DBX2: variants seen among roughly 807,000 people sequenced by gnomAD.
DBX2 encodes the protein developing brain homeobox 2.
In DBX2, 16 loss-of-function variants were observed where a neutral mutation model predicts 17.7. That is an observed-to-expected ratio of 0.90 (90% confidence interval 0.61 to 1.37). DBX2 has a LOEUF of 1.37. DBX2 is among the 40% of genes most tolerant of loss of function. The pLI, the probability that DBX2 is intolerant of heterozygous loss-of-function variation, is 0.00. For missense variants in DBX2, 538 were observed against 433.8 expected (o/e 1.24, Z -2.13); for synonymous variants, 255 against 183.8 (o/e 1.39, Z -3.13).
chr12:45,033,139 A>G (rs1055888804), intron 2 of DBX2, among the ~76,000 whole-genome samples: 2 of 152,206 alleles, frequency 1.3e-5, no homozygotes, highest in Non-Finnish European at 2.9e-5. Context: ...ATGGGAAGTC[A>G]GTCGTAAATC....
chr12:45,026,779 CTG>C (rs1489438694), intron 2 of DBX2, among the ~76,000 whole-genome samples: 1 of 152,196 alleles, frequency 6.6e-6, no homozygotes, highest in Non-Finnish European at 1.5e-5. Context: ...CTCTGTAACT[CTG>C]TATCTCCTTT....
intron 1 of DBX2, among the ~76,000 whole-genome samples, chr12:45,045,472 A>G (rs1946494880): frequency 1.3e-5 from 2 of 152,242 alleles, no homozygotes; most frequent in South Asian, 4.1e-4. Context: ...GAAATCATGC[A>G]TGGATGTTGT....
intron 1 of DBX2, 130 bp downstream of exon 1, chr12:45,050,395 G>A (rs953214846): frequency 3.5e-5 from 45 of 1,293,050 alleles, no homozygotes; most frequent in Non-Finnish European, 4.4e-5. Context: ...ACTAAAGCTC[G>A]AGATGCTCCA....
intron 2 of DBX2, among the ~76,000 whole-genome samples, chr12:45,024,719 C>A (rs1277037315): frequency 6.6e-6 from 1 of 152,132 alleles, no homozygotes; most frequent in Non-Finnish European, 1.5e-5. Flanking sequence ...GGTGGAAGGG[C>A]ATTTATTGAA....
At chr12:45,047,282 A>T (rs576376345) in intron 1 of DBX2, among the ~76,000 whole-genome samples, 17 of 152,256 alleles carry the variant, frequency 1.1e-4, no homozygotes, top group African/African-American at 4.1e-4. Flanking sequence ...TCTAATAATC[A>T]GAGTTTACTC....
chr12:45,025,514 C>G (rs937383584), intron 2 of DBX2, among the ~76,000 whole-genome samples: 8 of 151,856 alleles, frequency 5.3e-5, no homozygotes, highest in Admixed American at 5.3e-4. Context: ...CAATAGAAAA[C>G]TAATACACTG....
chr12:45,025,120 T>C (rs184958819), intron 2 of DBX2, among the ~76,000 whole-genome samples: 1 of 152,330 alleles, frequency 6.6e-6, no homozygotes, highest in Admixed American at 6.5e-5. Context: ...GGAACTAAGG[T>C]TGCAAATAGA....
At chr12:45,027,722 T>C (rs781090036) in intron 2 of DBX2, among the ~76,000 whole-genome samples, 1 of 152,232 alleles carries the variant, frequency 6.6e-6, no homozygotes, top group Non-Finnish European at 1.5e-5. Context: ...CATTGTAGCA[T>C]TCTGGACAAA....
At chr12:45,030,434 G>A (rs540822816) in intron 2 of DBX2, among the ~76,000 whole-genome samples, 36 of 152,150 alleles carry the variant, frequency 2.4e-4, no homozygotes, top group African/African-American at 5.3e-4. Flanking sequence ...GATACCACTC[G>A]GGGACACTTC....
At chr12:45,049,524 T>TTA (rs976595263) in intron 1 of DBX2, among the ~76,000 whole-genome samples, 17 of 152,196 alleles carry the variant, frequency 1.1e-4, no homozygotes, top group African/African-American at 4.1e-4. Flanking sequence ...ACATGTTAAA[T>TTA]TCTATAAAGC....
chr12:45,027,071 T>C (rs1028107546), intron 2 of DBX2, among the ~76,000 whole-genome samples: 1 of 152,360 alleles, frequency 6.6e-6, no homozygotes. Flanking sequence ...CTAAGTGCGT[T>C]TCTTCTCTGA....
chr12:45,034,867 T>C (rs1946430918), intron 2 of DBX2, among the ~76,000 whole-genome samples: 1 of 152,218 alleles, frequency 6.6e-6, no homozygotes, highest in Non-Finnish European at 1.5e-5. Context: ...TGCCCAAGCC[T>C]TTTCCATGTG....
intron 2 of DBX2, among the ~76,000 whole-genome samples, chr12:45,028,683 C>A (rs1267193825): frequency 6.6e-6 from 1 of 152,198 alleles, no homozygotes; most frequent in Non-Finnish European, 1.5e-5. Flanking sequence ...AGCCCTTGAT[C>A]TTGAAAGGTG....
At chr12:45,034,249 G>C (rs1946423912) in intron 2 of DBX2, among the ~76,000 whole-genome samples, 1 of 152,074 alleles carries the variant, frequency 6.6e-6, no homozygotes, top group African/African-American at 2.4e-5. Context: ...ATATCATGAT[G>C]AAATAACTGA....
chr12:45,024,090 A>G (rs1946367847), intron 2 of DBX2, among the ~76,000 whole-genome samples, 196 bp from the exon 3 acceptor site: 1 of 152,048 alleles, frequency 6.6e-6, no homozygotes, highest in African/African-American at 2.4e-5. Context: ...CCATGTGCTG[A>G]GGGAGGGACC....
chr12:45,031,223 TGTGAGAGAGA>T (rs1293233924), intron 2 of DBX2, among the ~76,000 whole-genome samples: 1,102 of 44,172 alleles, frequency 0.025, 17 homozygotes, highest in African/African-American at 0.08. Context: ...TGTGTGTGTG[TGTGAGAGAGA>T]GAGAGAGAGA....
intron 2 of DBX2, among the ~76,000 whole-genome samples, chr12:45,031,825 C>T (rs778205622): frequency 6.6e-6 from 1 of 152,166 alleles, no homozygotes; most frequent in African/African-American, 2.4e-5. Flanking sequence ...ACTGAGCTGA[C>T]AGTACGCTTT....
At chr12:45,035,240 A>G (rs1946433643) in intron 2 of DBX2, among the ~76,000 whole-genome samples, 1 of 152,244 alleles carries the variant, frequency 6.6e-6, no homozygotes, top group Admixed American at 6.5e-5. Context: ...AGAGCTGTTA[A>G]GCTGAGTAAG....
At chr12:45,033,886 C>T (rs187305371) in intron 2 of DBX2, among the ~76,000 whole-genome samples, 1 of 152,010 alleles carries the variant, frequency 6.6e-6, no homozygotes, top group East Asian at 1.9e-4. Context: ...AAGAATTATG[C>T]AAAAGGCACA....
Sources: allele counts gnomAD v4.1 joint callset (sites outside exome capture counted in the v4.1 genomes callset), GRCh38; gene constraint gnomAD v4.1.1; transcripts MANE v1.5; gene names NCBI Gene and HGNC (gene_info 2026-07-23, HGNC 2026-07-21).